PCDH9: variants seen among roughly 807,000 people sequenced by gnomAD.
The protein encoded by PCDH9 is protocadherin 9.
PCDH9 carries 24 observed loss-of-function variants against 70.6 expected under a neutral mutation model. The ratio of observed to expected loss-of-function variants is 0.34; its 90% CI spans 0.25 to 0.48. The LOEUF (loss-of-function observed/expected upper bound fraction) is 0.48. Ranked by LOEUF, PCDH9 falls within the 20% of genes least tolerant of loss-of-function variation. PCDH9 has a pLI of 0.99. For synonymous variants in PCDH9, 562 were observed against 558.5 expected, an observed-to-expected ratio of 1.01 and a Z score of -0.09; for missense variants, 1,281 against 1,503.6, an observed-to-expected ratio of 0.85 and a Z score of 2.45.
chr13:67,142,834 A>G (rs1306840137), intron 2 of PCDH9, among the ~76,000 whole-genome samples: 2 of 117,986 alleles, frequency 1.7e-5, no homozygotes, highest in African/African-American at 3.3e-5. Flanking sequence ...CCCTGTGTCT[A>G]CTAAAAATAC....
chr13:66,743,973 G>GA (rs952510099), intron 3 of PCDH9, among the ~76,000 whole-genome samples: 1 of 151,484 alleles, frequency 6.6e-6, no homozygotes, highest in Admixed American at 6.6e-5. Flanking sequence ...ATACCAAATT[G>GA]AAAAAAAATG....
chr13:67,046,324 G>A (rs2085221400), intron 2 of PCDH9, among the ~76,000 whole-genome samples: 1 of 152,120 alleles, frequency 6.6e-6, no homozygotes, highest in Non-Finnish European at 1.5e-5. Flanking sequence ...CTTAAAAGAT[G>A]TTTTTAGATT....
At chr13:66,973,037 A>G (rs544935465) in intron 2 of PCDH9, among the ~76,000 whole-genome samples, 4 of 152,028 alleles carry the variant, frequency 2.6e-5, no homozygotes, top group African/African-American at 9.6e-5. Context: ...CTTCTTTCCA[A>G]TCAGCACCCT....
chr13:67,163,120 AG>A (rs1001320078), intron 2 of PCDH9, among the ~76,000 whole-genome samples: 21 of 152,312 alleles, frequency 1.4e-4, no homozygotes, highest in African/African-American at 4.6e-4. Context: ...TGGTTACTGT[AG>A]AAACTCCGTG....
chr13:66,328,004 TTAAAGATCAA>T (rs1228545578), intron 4 of PCDH9, among the ~76,000 whole-genome samples: 2 of 152,174 alleles, frequency 1.3e-5, no homozygotes, highest in Non-Finnish European at 1.5e-5. Context: ...TAGTTACTTA[TTAAAGATCAA>T]TGTTGAAAAC....
chr13:66,998,938 T>C (rs1369601825), intron 2 of PCDH9, among the ~76,000 whole-genome samples: 1 of 152,240 alleles, frequency 6.6e-6, no homozygotes, highest in Non-Finnish European at 1.5e-5. Context: ...AGCAACAAAA[T>C]ACTTCAGTCA....
intron 4 of PCDH9, among the ~76,000 whole-genome samples, chr13:66,565,387 A>C (rs950263838): frequency 3.3e-5 from 5 of 152,214 alleles, no homozygotes; most frequent in Admixed American, 6.5e-5. Flanking sequence ...CAAGATTCAC[A>C]GCATATGATA....
intron 2 of PCDH9, among the ~76,000 whole-genome samples, chr13:67,082,280 T>G (rs1056817324): frequency 6.6e-6 from 1 of 152,162 alleles, no homozygotes; most frequent in Non-Finnish European, 1.5e-5. Flanking sequence ...GCAACCAACA[T>G]TTGACCCTCT....
intron 4 of PCDH9, among the ~76,000 whole-genome samples, chr13:66,339,902 G>T (rs1015067416): frequency 6.6e-6 from 1 of 151,866 alleles, no homozygotes; most frequent in Non-Finnish European, 1.5e-5. Context: ...GTTTCTCTAG[G>T]CACATAATTT....
In PCDH9 at chr13:66,719,954, G is replaced by A. The variant is rs563725200; in HGVS notation, c.3139-88543C>T. On this transcript the variant is annotated intron_variant, in intron 3 of 4. Transcript: ENST00000377865. ...TAAAATCAAGCGTGGCAGTTCCACA[G>A]AAGAAGGAAGTATCTGTGGACTTTA... 4.1e-3 allele frequency among the ~76,000 whole-genome samples: 628 copies of A among 152,268 alleles called. 3 individuals carry two copies. The highest frequency in any genetic ancestry group is 0.015 in the African/African-American group (605 of 41,552).
intron 2 of PCDH9, among the ~76,000 whole-genome samples, chr13:67,110,535 A>G (rs903034541): frequency 3.0e-4 from 44 of 148,806 alleles, no homozygotes; most frequent in Non-Finnish European, 1.5e-4. Context: ...AAAAAAAAAA[A>G]GGGACATTAC....
At chr13:67,087,465 T>C (rs2086131528) in intron 2 of PCDH9, among the ~76,000 whole-genome samples, 1 of 152,158 alleles carries the variant, frequency 6.6e-6, no homozygotes, top group Non-Finnish European at 1.5e-5. Context: ...GAAATAAATT[T>C]TAATATAGTA....
intron 3 of PCDH9, among the ~76,000 whole-genome samples, chr13:66,816,749 G>A (rs923539449): frequency 5.9e-5 from 9 of 151,990 alleles, no homozygotes; most frequent in African/African-American, 1.9e-4. Flanking sequence ...GTAAAATCCC[G>A]TCTCTACTAA....
At chr13:66,627,803 A>C (rs1212496889) in intron 4 of PCDH9, among the ~76,000 whole-genome samples, 1 of 152,112 alleles carries the variant, frequency 6.6e-6, no homozygotes, top group Non-Finnish European at 1.5e-5. Flanking sequence ...AAAACTCTAG[A>C]GATTTCTTGA....
At chr13:66,573,473 A>G (rs1372745690) in intron 4 of PCDH9, among the ~76,000 whole-genome samples, 2 of 152,048 alleles carry the variant, frequency 1.3e-5, no homozygotes, top group Non-Finnish European at 2.9e-5. Flanking sequence ...CAATTCAGCT[A>G]TCCTCTCCTA....
At chr13:66,950,470 C>A (rs955419438) in intron 2 of PCDH9, among the ~76,000 whole-genome samples, 3 of 151,510 alleles carry the variant, frequency 2.0e-5, no homozygotes, top group African/African-American at 7.3e-5. Context: ...ATGGAAAGTT[C>A]TTCATAAAAG....
chr13:66,386,308 GTGTTTTAT>G (rs1275238483), intron 4 of PCDH9, among the ~76,000 whole-genome samples: 1 of 151,860 alleles, frequency 6.6e-6, no homozygotes, highest in Non-Finnish European at 1.5e-5. Flanking sequence ...TTGCTTTTTG[GTGTTTTAT>G]TGTTTGAAAG....
At chr13:67,103,738 A>C (rs773011236) in intron 2 of PCDH9, among the ~76,000 whole-genome samples, 5 of 152,222 alleles carry the variant, frequency 3.3e-5, no homozygotes, top group African/African-American at 4.8e-5. Flanking sequence ...TACTCACAGA[A>C]TACACAGTAG....
At chr13:66,700,969 T>TATAC (rs2078638079) in intron 3 of PCDH9, among the ~76,000 whole-genome samples, 1 of 119,612 alleles carries the variant, frequency 8.4e-6, no homozygotes, top group Non-Finnish European at 1.8e-5. Context: ...TATATATATA[T>TATAC]ACTTTTTCAC....
Sources: gnomAD v4.1 joint callset for allele counts (sites outside exome capture counted in the v4.1 genomes callset) on GRCh38, gnomAD v4.1.1 for gene constraint, MANE v1.5 for transcripts, NCBI Gene and HGNC (gene_info 2026-07-23, HGNC 2026-07-21) for gene names.